The following GRIK4 variants were observed in gnomAD, a reference collection of about 807,000 sequenced individuals.
The protein encoded by GRIK4 is glutamate receptor ionotropic, kainate 4.
GRIK4 carries 40 observed loss-of-function variants against 104.9 expected under a neutral mutation model. The ratio of observed to expected loss-of-function variants is 0.38; its 90% CI spans 0.30 to 0.50. The LOEUF is 0.50. Ranked by LOEUF, GRIK4 falls within the 20% of genes least tolerant of loss-of-function variation. The pLI is 0.93. For synonymous variants in GRIK4, 485 were observed against 524.9 expected, an observed-to-expected ratio of 0.92 and a Z score of 1.04; for missense variants, 1,047 against 1,308.1, an observed-to-expected ratio of 0.80 and a Z score of 3.08.
intron 11 of GRIK4, among the ~76,000 whole-genome samples, chr11:120,877,713 T>A (rs1406442434): frequency 6.6e-6 from 1 of 150,730 alleles, no homozygotes; most frequent in Non-Finnish European, 1.5e-5. Flanking sequence ...GTGTCAGGAG[T>A]GGTAAGTGGA....
Position 120,969,697 on chromosome 11 carries a change from C to T in GRIK4, c.2395+2374C>T, listed in dbSNP as rs540610920. Among the ~76,000 whole-genome samples, 39 of 152,246 alleles carry T rather than the reference C, an allele frequency of 2.6e-4. 1 individual carries two copies. In the South Asian group the frequency reaches 7.5e-3, roughly 29 times the overall value. On this transcript the variant is annotated intron_variant, in intron 19 of 20. Coordinates refer to ENST00000527524, the MANE Select transcript of GRIK4 (RefSeq NM_014619.5). ...TGAGTTAAAGGATGGCAGGAAAGAG[C>T]GCCGTCTCTCCTCCATCTGCAGGGA... is the stretch of plus-strand genomic sequence containing the variant.
Position 120,690,375 on chromosome 11 carries a change from C to A in GRIK4, c.82+29975C>A, listed in dbSNP as rs1591807397. On this transcript the variant is annotated intron_variant, in intron 3 of 20. Coordinates refer to ENST00000527524, the MANE Select transcript of GRIK4 (RefSeq NM_014619.5). ...GTGCTTCTAGGCACATCTCTATTGT[C>A]CAGCCACATTCTCCCACTGCAATCC... Among the ~76,000 whole-genome samples the A allele has an allele frequency of 1.3e-5, 2 of 152,326 alleles. 1 individual carries two copies. The highest frequency in any genetic ancestry group is 4.1e-4 in the South Asian group (2 of 4,828).
chr11:120,519,865 GTTTTTTT>G (rs1311313035), intron 1 of GRIK4, among the ~76,000 whole-genome samples: 1 of 102,534 alleles, frequency 9.8e-6, no homozygotes. Flanking sequence ...CTCACTACTG[GTTTTTTT>G]TTTTTTTGTT....
Position 120,776,619 on chromosome 11 carries a change from CT to C in GRIK4, c.83-26073del, listed in dbSNP as rs147387540. Among the ~76,000 whole-genome samples the C allele has an allele frequency of 2.6e-3, 394 of 152,318 alleles. 2 individuals are homozygous for C. The highest frequency in any genetic ancestry group is 8.9e-3 in the African/African-American group (371 of 41,566). ...AACGATTTGTTGTCTCACACAGTCT[CT>C]GAGGGTCAGGAATGTGGGAGCTGCT... On this transcript the variant is annotated intron_variant, in intron 3 of 20. Coordinates refer to ENST00000527524, the MANE Select transcript of GRIK4 (RefSeq NM_014619.5).
intron 7 of GRIK4, among the ~76,000 whole-genome samples, chr11:120,833,646 T>A (rs1181161192): frequency 6.6e-6 from 1 of 152,204 alleles, no homozygotes; most frequent in Non-Finnish European, 1.5e-5. Context: ...TTATTTTTTT[T>A]ATTCGAATAG....
In GRIK4 at chr11:120,606,407, G is replaced by A. The variant is rs150350136; in HGVS notation, c.-158-47278G>A. Among the ~76,000 whole-genome samples the A allele has an allele frequency of 3.5e-3, 526 of 152,292 alleles. 7 individuals are homozygous for A. Among genetic ancestry groups the A allele is most frequent in the African/African-American group, 0.012 (488 of 41,572 alleles). On this transcript the variant is annotated intron_variant, in intron 1 of 20. Coordinates refer to ENST00000527524, the MANE Select transcript of GRIK4 (RefSeq NM_014619.5). Reference sequence around the variant, plus strand: ...CCCCAGGGAGAGTTATTTACATAGCGCTGTAAACATTTGTGGAAGGAAAGA... The same window carrying A: ...CCCCAGGGAGAGTTATTTACATAGCACTGTAAACATTTGTGGAAGGAAAGA...
intron 1 of GRIK4, among the ~76,000 whole-genome samples, chr11:120,542,041 T>C (rs895066127): frequency 6.6e-6 from 1 of 152,184 alleles, no homozygotes; most frequent in Non-Finnish European, 1.5e-5. Context: ...GACATCATAC[T>C]TCCTGATTTC....
intron 3 of GRIK4, among the ~76,000 whole-genome samples, chr11:120,778,569 C>T (rs1591901509): frequency 6.6e-6 from 1 of 152,142 alleles, no homozygotes; most frequent in East Asian, 1.9e-4. Context: ...TTGGGTCTGC[C>T]AGCTCTAATA....
At chr11:120,642,689 T>C (rs1448948732) in intron 1 of GRIK4, among the ~76,000 whole-genome samples, 1 of 152,172 alleles carries the variant, frequency 6.6e-6, no homozygotes, top group Admixed American at 6.5e-5. Flanking sequence ...GAGCCTGGCA[T>C]CCTGCCTTCA....
At chr11:120,765,766 G>A (rs956936034) in intron 3 of GRIK4, among the ~76,000 whole-genome samples, 1 of 152,186 alleles carries the variant, frequency 6.6e-6, no homozygotes, top group Non-Finnish European at 1.5e-5. Flanking sequence ...GTTTGCCTGG[G>A]TATCACCAGC....
intron 3 of GRIK4, among the ~76,000 whole-genome samples, chr11:120,699,799 T>A (rs1677140264): frequency 6.6e-6 from 1 of 152,138 alleles, no homozygotes; most frequent in South Asian, 2.1e-4. Context: ...TGTGCAAACG[T>A]GCAGGGACCC....
intron 1 of GRIK4, among the ~76,000 whole-genome samples, chr11:120,540,228 A>G (rs916978315): frequency 1.3e-5 from 2 of 152,186 alleles, no homozygotes; most frequent in African/African-American, 2.4e-5. Context: ...TTAATCATTC[A>G]AACCACAGAG....
intron 13 of GRIK4, among the ~76,000 whole-genome samples, chr11:120,926,520 G>A (rs1943349138): frequency 6.6e-6 from 1 of 152,162 alleles, no homozygotes; most frequent in Non-Finnish European, 1.5e-5. Context: ...GGAAACTGAG[G>A]TACAAAGAGG....
intron 1 of GRIK4, among the ~76,000 whole-genome samples, chr11:120,523,441 G>C (rs1177336414): frequency 6.6e-6 from 1 of 152,020 alleles, no homozygotes; most frequent in African/African-American, 2.4e-5. Flanking sequence ...TATGTCAAGA[G>C]CTTGACCCTG....
At chr11:120,602,306 A>G (rs1049685219) in intron 1 of GRIK4, among the ~76,000 whole-genome samples, 8 of 152,158 alleles carry the variant, frequency 5.3e-5, no homozygotes, top group Non-Finnish European at 7.4e-5. Context: ...CCTGGAGCCA[A>G]TCTCCATTTA....
chr11:120,875,182 A>G lies in GRIK4; in HGVS notation c.1103A>G (p.Lys368Arg). 1 of 1,613,768 alleles carries G rather than the reference A, an allele frequency of 6.2e-7. No homozygotes were observed. Among genetic ancestry groups the G allele is most frequent in the Non-Finnish European group, 8.5e-7 (1 of 1,179,644 alleles). ...ACCGGCCACATTGAATTCAACAGCA[A>G]AGGCCAGAGGTCCAACTACGCTTTG... Reference protein sequence around the residue: ...GLTGHIEFNSKGQRSNYALKI... With the variant: ...GLTGHIEFNSRGQRSNYALKI... Residue 368 changes from lysine to arginine, a missense_variant, in exon 11 of 21, where the codon AAA becomes AGA. This residue lies in a region of GRIK4 where 447 missense variants were observed against 514.9 expected (regional missense o/e 0.87). Coordinates refer to ENST00000527524, the MANE Select transcript of GRIK4 (RefSeq NM_014619.5).
chr11:120,526,081 A>G (rs988585020), intron 1 of GRIK4, among the ~76,000 whole-genome samples: 1 of 152,204 alleles, frequency 6.6e-6, no homozygotes, highest in Non-Finnish European at 1.5e-5. Flanking sequence ...AGAAGCTGGG[A>G]TAGCAGTTAG....
At chr11:120,691,634 G>A (rs1439590924) in intron 3 of GRIK4, among the ~76,000 whole-genome samples, 2 of 152,230 alleles carry the variant, frequency 1.3e-5, no homozygotes, top group Non-Finnish European at 2.9e-5. Context: ...AGCAATGTAA[G>A]AGTAGCATTT....
At chr11:120,717,650 A>G (rs1950858912) in intron 3 of GRIK4, among the ~76,000 whole-genome samples, 1 of 152,198 alleles carries the variant, frequency 6.6e-6, no homozygotes, top group Non-Finnish European at 1.5e-5. Flanking sequence ...CAAGAGGGGA[A>G]ATAAGAATCC....
Sources: allele counts gnomAD v4.1 joint callset (sites outside exome capture counted in the v4.1 genomes callset), GRCh38; gene constraint gnomAD v4.1.1; regional missense constraint gnomAD v4.1.1; transcripts MANE v1.5; gene names NCBI Gene and HGNC (gene_info 2026-07-23, HGNC 2026-07-21).